The following RNF111 variants were observed in gnomAD, a reference collection of about 807,000 sequenced individuals.
RNF111 encodes the protein E3 ubiquitin-protein ligase Arkadia.
In RNF111, 17 loss-of-function variants were observed where a neutral mutation model predicts 95.1. The observed-to-expected ratio is 0.18, with a 90% CI of 0.12 to 0.27. The LOEUF (loss-of-function observed/expected upper bound fraction) is 0.27. RNF111 is among the 10% of genes least tolerant of loss of function. The pLI is 1.00. For missense variants in RNF111, 1,189 were observed against 1,210.4 expected (o/e 0.98, Z 0.26); for synonymous variants, 440 against 414.8 (o/e 1.06, Z -0.74).
chr15:59,070,667 C>G lies in RNF111; in HGVS notation c.1686+3584C>G, dbSNP rs181545481. Among the ~76,000 whole-genome samples the G allele has an allele frequency of 2.9e-3, 444 of 152,254 alleles. 1 individual carries two copies. Among genetic ancestry groups the G allele is most frequent in the Non-Finnish European group, 4.4e-3 (298 of 68,014 alleles). On this transcript the variant is annotated intron_variant, in intron 6 of 13. Transcript: ENST00000348370. ...TATACTTGATTGTAGATAAATAATA[C>G]AAAAGAAAGGAGCTCCTCCTTTTCT...
At chr15:59,017,669 G>GT (rs374715690) in intron 1 of RNF111, among the ~76,000 whole-genome samples, 187 of 151,242 alleles carry the variant, frequency 1.2e-3, no homozygotes, top group Non-Finnish European at 2.2e-3. Context: ...AGCTTTGAAA[G>GT]TTGACAGATT....
At chr15:59,028,642 T>C (rs2040745121) in intron 1 of RNF111, among the ~76,000 whole-genome samples, 1 of 152,200 alleles carries the variant, frequency 6.6e-6, no homozygotes. Context: ...ATCAGTTGAT[T>C]GGCATTTGTG....
rs1038865040 is a variant in RNF111, at chr15:59,096,999, T to C, written c.*2099T>C. On this transcript the variant is annotated 3_prime_UTR_variant, in exon 14 of 14. Transcript: ENST00000348370. ...TTATAATTGCTACTGATTTTTTTAATGTAGGCAAAGCTTTGTTACTTTGAA... is the reference window on the plus strand; with the variant it reads ...TTATAATTGCTACTGATTTTTTTAACGTAGGCAAAGCTTTGTTACTTTGAA... 1 of 152,260 alleles carries C rather than the reference T, an allele frequency of 6.6e-6. No individual in the cohort carries two copies. Among genetic ancestry groups the C allele is most frequent in the Non-Finnish European group, 1.5e-5 (1 of 68,048 alleles). 9.4% of individuals were successfully genotyped at this position (152,260 alleles called of 1,614,324 possible).
At chr15:59,074,872 G>A (rs2043101576) in intron 6 of RNF111, among the ~76,000 whole-genome samples, 1 of 152,142 alleles carries the variant, frequency 6.6e-6, no homozygotes, top group African/African-American at 2.4e-5. Flanking sequence ...AATGAGAGAT[G>A]TGCAAATCTT....
rs545241359 is a variant in RNF111, at chr15:59,031,373, G to T, written c.551G>T (p.Trp184Leu). Residue 184 changes from tryptophan (W) to leucine (L), a missense_variant, in exon 2 of 14, where the codon TGG becomes TTG. Transcript: ENST00000348370. ...SRSHSARSHK[W>L]PRTETESVSG... is the part of the protein sequence containing the mutation. ...AGCCATAGTGCACGGTCTCATAAGT[G>T]GCCTCGGACTGAGACAGAATCTGTA... is the stretch of plus-strand genomic sequence containing the variant. 129 of 1,614,124 alleles carry T rather than the reference G, an allele frequency of 8.0e-5. 1 individual carries two copies. The South Asian group carries it at 1.4e-3, about 17-fold the overall frequency.
chr15:59,066,206 T>G (rs191404809), intron 5 of RNF111, among the ~76,000 whole-genome samples: 1 of 152,336 alleles, frequency 6.6e-6, no homozygotes. Context: ...ACATGATCTA[T>G]TGCCATACTT....
At position 59,088,488 on chromosome 15, in the gene RNF111, T is replaced by C. The variant is rs532628318; in HGVS notation, c.2551-1179T>C. 2.0e-5 allele frequency among the ~76,000 whole-genome samples: 3 copies of C among 152,368 alleles called. No homozygotes were observed. The East Asian group carries it at 5.8e-4, about 29-fold the overall frequency. ...TAAAAGTTATTGCTTATTTAAATTC[T>C]TTTCCACATATGAAGTGTCCGTTAA... On this transcript the variant is annotated intron_variant, in intron 10 of 13. Transcript: ENST00000348370.
At chr15:59,055,656 C>T (rs573904706) in intron 3 of RNF111, 26 bp from the exon 4 acceptor site, 5 of 1,499,828 alleles carry the variant, frequency 3.3e-6, no homozygotes, top group Admixed American at 2.1e-5. Flanking sequence ...TTTATATTTA[C>T]TAACTTAATA....
At chr15:58,991,021 T>C (rs957530721) in intron 1 of RNF111, among the ~76,000 whole-genome samples, 3 of 151,936 alleles carry the variant, frequency 2.0e-5, no homozygotes, top group African/African-American at 7.3e-5. Flanking sequence ...TGAGGCTGGG[T>C]GCGCTTGCTC....
At chr15:59,058,307 T>G in intron 4 of RNF111, 49 bp from the exon 5 acceptor site, 1 of 1,440,010 alleles carries the variant, frequency 6.9e-7, no homozygotes, top group Non-Finnish European at 9.8e-7. Context: ...AATATAACCC[T>G]TTATCTAATT....
Position 59,081,109 on chromosome 15 carries a change from C to T in RNF111, c.2122C>T (p.Pro708Ser), listed in dbSNP as rs747962828. 17 of 1,613,974 alleles carry T rather than the reference C, an allele frequency of 1.1e-5. No homozygotes were observed. The Admixed American group carries it at 1.7e-4, about 16-fold the overall frequency. Residue 708 changes from proline (P) to serine (S), a missense_variant, in exon 8 of 14, where the codon CCA becomes TCA. By Grantham distance (74) the Pro-to-Ser change is moderately conservative. This residue lies in a region of RNF111 where 1,024 missense variants were observed against 925.9 expected (regional missense o/e 1.11). Transcript: ENST00000348370. ...SHATSHPVAP[P>S]PPTHLASTAA... ...TGCAACATCTCATCCTGTGGCACCC[C>T]CACCACCAACTCACTTAGCCAGTAC... is the stretch of plus-strand genomic sequence containing the variant.
intron 4 of RNF111, among the ~76,000 whole-genome samples, chr15:59,056,521 T>C (rs1254409373): frequency 6.6e-6 from 1 of 152,176 alleles, no homozygotes; most frequent in Non-Finnish European, 1.5e-5. Context: ...TGGTAAGCCA[T>C]ATATGAGTTT....
At chr15:59,061,077 G>A (rs1165259882) in intron 5 of RNF111, among the ~76,000 whole-genome samples, 1 of 152,278 alleles carries the variant, frequency 6.6e-6, no homozygotes, top group Non-Finnish European at 1.5e-5. Flanking sequence ...GATTACAGGT[G>A]TGAACTACCA....
chr15:59,007,765 T>A (rs182221775), intron 1 of RNF111, among the ~76,000 whole-genome samples: 18 of 152,334 alleles, frequency 1.2e-4, no homozygotes, highest in African/African-American at 4.1e-4. Context: ...ACTAAAGATA[T>A]TGAAGATTTT....
rs2040873678 is a variant in RNF111 at position 59,030,949 on chromosome 15, A to G, written c.127A>G (p.Ile43Val). The change falls in exon 2 of 14, where the codon ATT becomes GTT. Residue 43 changes from isoleucine to valine, a missense_variant. By Grantham distance (29) the Ile-to-Val change is conservative. Transcript: ENST00000348370. ...LKGILLHPEP[I>V]GAAKSFPAGV... ...AGGGATCCTTTTGCATCCAGAGCCC[A>G]TTGGGGCAGCCAAAAGTTTTCCTGC... The G allele has an allele frequency of 1.2e-6, 2 of 1,614,224 alleles. No individual in the cohort carries two copies. Among genetic ancestry groups the G allele is most frequent in the African/African-American group, 1.3e-5 (1 of 75,072 alleles).
intron 1 of RNF111, among the ~76,000 whole-genome samples, chr15:59,017,179 T>G (rs1052127237): frequency 1.4e-5 from 2 of 147,680 alleles, no homozygotes; most frequent in Admixed American, 6.8e-5. Context: ...AAAAATTGTC[T>G]TCTACGAATC....
At chr15:59,057,702 A>ATATG (rs1412805092) in intron 4 of RNF111, among the ~76,000 whole-genome samples, 4 of 152,226 alleles carry the variant, frequency 2.6e-5, no homozygotes, top group African/African-American at 9.6e-5. Flanking sequence ...TTCTTTGGAA[A>ATATG]ACATATAAAA....
At chr15:59,026,768 A>G (rs1230130878) in intron 1 of RNF111, among the ~76,000 whole-genome samples, 1 of 151,370 alleles carries the variant, frequency 6.6e-6, no homozygotes, top group East Asian at 1.9e-4. Flanking sequence ...TGGATTTTAG[A>G]AAAAAAAATA....
intron 1 of RNF111, among the ~76,000 whole-genome samples, chr15:59,011,087 T>C (rs1319122280): frequency 6.6e-6 from 1 of 152,210 alleles, no homozygotes; most frequent in African/African-American, 2.4e-5. Flanking sequence ...TTCATATAAC[T>C]TGTTTTATAC....
Sources: allele counts gnomAD v4.1 joint callset (sites outside exome capture counted in the v4.1 genomes callset), GRCh38; gene constraint gnomAD v4.1.1; regional missense constraint gnomAD v4.1.1; transcripts MANE v1.5; gene names NCBI Gene and HGNC (gene_info 2026-07-23, HGNC 2026-07-21).